Variants in ERC2 observed in about 807,000 individuals in gnomAD.
ERC2 encodes ELKS/RAB6-interacting/CAST family member 2.
ERC2 carries 42 observed loss-of-function variants against 114.8 expected under a neutral mutation model. The observed-to-expected ratio is 0.37, with a 90% CI of 0.29 to 0.47. The LOEUF is 0.47. Among genes scored for constraint, ERC2 ranks in the 20% least tolerant of loss-of-function variants. The pLI is 0.99. For missense variants in ERC2, 939 were observed against 1,150.7 expected (o/e 0.82, Z 2.66); for synonymous variants, 454 against 425.5 (o/e 1.07, Z -0.82).
chr3:56,023,342 C>T (rs1390546819), intron 7 of ERC2, among the ~76,000 whole-genome samples: 1 of 152,172 alleles, frequency 6.6e-6, no homozygotes, highest in East Asian at 1.9e-4. Context: ...ATGAGGCCCT[C>T]CGAGGGATGG....
At chr3:56,116,112 G>GT (rs1188647427) in intron 6 of ERC2, among the ~76,000 whole-genome samples, 1 of 152,206 alleles carries the variant, frequency 6.6e-6, no homozygotes, top group African/African-American at 2.4e-5. Flanking sequence ...ATGTGGCAGG[G>GT]TGTGCCCCTT....
At chr3:56,006,092 A>G (rs1204147747) in intron 10 of ERC2, among the ~76,000 whole-genome samples, 1 of 152,098 alleles carries the variant, frequency 6.6e-6, no homozygotes, top group Non-Finnish European at 1.5e-5. Flanking sequence ...TTGTTATTAA[A>G]GGATTTGATC....
At chr3:55,905,704 G>C (rs1214304848) in intron 13 of ERC2, among the ~76,000 whole-genome samples, 1 of 152,186 alleles carries the variant, frequency 6.6e-6, no homozygotes, top group Non-Finnish European at 1.5e-5. Flanking sequence ...CAAGGGCCCT[G>C]TATTGTCAAG....
chr3:56,136,133 A>C (rs1429946414), intron 6 of ERC2, among the ~76,000 whole-genome samples: 2 of 152,166 alleles, frequency 1.3e-5, no homozygotes, highest in Non-Finnish European at 2.9e-5. Context: ...GCAAACCGAG[A>C]CAGCTTGCCT....
At chr3:55,664,915 G>T (rs2148718082) in intron 17 of ERC2, among the ~76,000 whole-genome samples, 1 of 152,284 alleles carries the variant, frequency 6.6e-6, no homozygotes, top group East Asian at 1.9e-4. Flanking sequence ...GAGAAATGAG[G>T]CCTTGTTAAC....
At chr3:55,894,991 T>C (rs1054486848) in intron 13 of ERC2, among the ~76,000 whole-genome samples, 1 of 152,194 alleles carries the variant, frequency 6.6e-6, no homozygotes, top group African/African-American at 2.4e-5. Context: ...ACCCCTGGAC[T>C]GCCCTACATT....
chr3:56,032,967 A>AAG (rs1560057104), intron 7 of ERC2, among the ~76,000 whole-genome samples: 10 of 103,538 alleles, frequency 9.7e-5, no homozygotes, highest in South Asian at 6.8e-4. Flanking sequence ...AACAGAAAGA[A>AAG]AGAAAGAAAG....
chr3:56,288,966 T>C (rs1455761668), intron 3 of ERC2, among the ~76,000 whole-genome samples: 1 of 152,144 alleles, frequency 6.6e-6, no homozygotes, highest in Admixed American at 6.5e-5. Context: ...CCTTGGGGCG[T>C]GGTGGTTACA....
intron 14 of ERC2, among the ~76,000 whole-genome samples, chr3:55,772,077 G>A (rs9831059): frequency 0.013 from 1,968 of 152,114 alleles, 51 homozygotes; most frequent in African/African-American, 0.045. Flanking sequence ...ATGCCCAAAG[G>A]TTAGTATGGT....
chr3:55,863,839 G>T (rs1399769642), intron 14 of ERC2, among the ~76,000 whole-genome samples: 1 of 151,750 alleles, frequency 6.6e-6, no homozygotes, highest in Non-Finnish European at 1.5e-5. Flanking sequence ...TTTTGAAACT[G>T]TGTGTGTTTT....
chr3:56,439,885 T>A (rs1056430725), intron 1 of ERC2, among the ~76,000 whole-genome samples: 1 of 152,164 alleles, frequency 6.6e-6, no homozygotes, highest in African/African-American at 2.4e-5. Context: ...GTAAATACCT[T>A]GCTGTTTTTA....
At chr3:55,708,621 A>C (rs1050528464) in intron 15 of ERC2, among the ~76,000 whole-genome samples, 9 of 152,188 alleles carry the variant, frequency 5.9e-5, no homozygotes, top group Admixed American at 2.6e-4. Flanking sequence ...CTCTGAAAAA[A>C]ACTCCAGACT....
At chr3:55,885,476 A>C (rs1406350332) in intron 14 of ERC2, among the ~76,000 whole-genome samples, 1 of 152,198 alleles carries the variant, frequency 6.6e-6, no homozygotes, top group Non-Finnish European at 1.5e-5. Context: ...GGCCCATATC[A>C]GGCTTAATGA....
intron 15 of ERC2, among the ~76,000 whole-genome samples, chr3:55,732,319 T>C (rs954090543): frequency 5.9e-5 from 9 of 152,190 alleles, no homozygotes; most frequent in African/African-American, 2.2e-4. Context: ...CAGGTGATTT[T>C]TCCTGCTCTT....
intron 17 of ERC2, among the ~76,000 whole-genome samples, chr3:55,589,112 C>CT (rs1183048097): frequency 6.6e-6 from 1 of 151,228 alleles, no homozygotes; most frequent in East Asian, 2.0e-4. Context: ...GATGCAGTGG[C>CT]TCACACCTGT....
chr3:56,443,228 A>G (rs1184723235), intron 1 of ERC2, among the ~76,000 whole-genome samples: 1 of 152,246 alleles, frequency 6.6e-6, no homozygotes, highest in Non-Finnish European at 1.5e-5. Context: ...CCAAGATCAC[A>G]ATGGGCAAGA....
chr3:56,215,428 A>C (rs2049392390), intron 3 of ERC2, among the ~76,000 whole-genome samples: 1 of 152,266 alleles, frequency 6.6e-6, no homozygotes, highest in African/African-American at 2.4e-5. Flanking sequence ...GGATCAATTC[A>C]ACAAGAAGAG....
intron 3 of ERC2, among the ~76,000 whole-genome samples, chr3:56,261,903 C>T (rs2052958407): frequency 1.3e-5 from 2 of 152,238 alleles, no homozygotes; most frequent in East Asian, 1.9e-4. Context: ...GTGTTGTTCC[C>T]CTCTATGTGT....
At chr3:56,139,092 A>C (rs1028199609) in intron 6 of ERC2, among the ~76,000 whole-genome samples, 1 of 152,210 alleles carries the variant, frequency 6.6e-6, no homozygotes, top group African/African-American at 2.4e-5. Flanking sequence ...GATTTTTGAT[A>C]AAATGAAACC....
Sources: gnomAD v4.1 joint callset for allele counts (sites outside exome capture counted in the v4.1 genomes callset) on GRCh38, gnomAD v4.1.1 for gene constraint, MANE v1.5 for transcripts, NCBI Gene and HGNC (gene_info 2026-07-23, HGNC 2026-07-21) for gene names.